The following TTC7B variants were observed in gnomAD, a reference collection of about 807,000 sequenced individuals.
TTC7B encodes the protein tetratricopeptide repeat protein 7B.
In TTC7B, 28 loss-of-function variants were observed where a neutral mutation model predicts 106.8. The observed-to-expected ratio is 0.26, with a 90% CI of 0.19 to 0.36. TTC7B has a LOEUF of 0.36. TTC7B is among the 10% of genes least tolerant of loss of function. The pLI is 1.00. For synonymous variants in TTC7B, 405 were observed against 430.6 expected (o/e 0.94, Z 0.74); for missense variants, 862 against 1,076.4 (o/e 0.80, Z 2.79).
At chr14:90,653,259 T>G (rs1196756210) in intron 12 of TTC7B, among the ~76,000 whole-genome samples, 1 of 152,086 alleles carries the variant, frequency 6.6e-6, no homozygotes, top group Non-Finnish European at 1.5e-5. Flanking sequence ...AACGACAAGC[T>G]CTATGAAGAT....
At chr14:90,815,218 GT>G (rs1252182332) in intron 1 of TTC7B, among the ~76,000 whole-genome samples, 2 of 152,208 alleles carry the variant, frequency 1.3e-5, no homozygotes, top group African/African-American at 2.4e-5. Context: ...CGGTGTGCTG[GT>G]GCCTGCGCTT....
At chr14:90,579,174 C>T (rs1379475689) in intron 18 of TTC7B, among the ~76,000 whole-genome samples, 5 of 152,226 alleles carry the variant, frequency 3.3e-5, no homozygotes, top group African/African-American at 1.2e-4. Flanking sequence ...GAGGCACCAC[C>T]ATCTTTCTAG....
chr14:90,536,391 C>T lies in TTC7B; in HGVS notation c.*4977G>A, dbSNP rs1889420385. The T allele has an allele frequency of 6.5e-6, 1 of 152,890 alleles. No individual in the cohort carries two copies. The highest frequency in any genetic ancestry group is 2.1e-4 in the South Asian group (1 of 4,846). The allele number at this position is 152,890 out of a possible 1,614,324, so 9.5% of individuals were successfully genotyped here. A position where few individuals can be genotyped will look rare whatever the true frequency, so the allele number is the denominator to read the frequency against. ...CCTGACACCTCCCACACTCTCGCCT[C>T]ATCTTGGGCTCTCGCCTGGGCTCCT... On this transcript the variant is annotated 3_prime_UTR_variant, in exon 20 of 20. Transcript: ENST00000328459.
At chr14:90,579,137 G>C (rs1243831542) in intron 18 of TTC7B, among the ~76,000 whole-genome samples, 3 of 152,190 alleles carry the variant, frequency 2.0e-5, no homozygotes, top group African/African-American at 7.2e-5. Flanking sequence ...GGCCCCGAGG[G>C]CCTCTTCTCC....
At chr14:90,634,581 G>T (rs749270007) in intron 15 of TTC7B, among the ~76,000 whole-genome samples, 2 of 152,064 alleles carry the variant, frequency 1.3e-5, no homozygotes, top group African/African-American at 2.4e-5. Flanking sequence ...AGACCAGCCC[G>T]GCCAACATGG....
intron 1 of TTC7B, among the ~76,000 whole-genome samples, chr14:90,796,892 G>A (rs2029908571): frequency 6.7e-6 from 1 of 149,980 alleles, no homozygotes; most frequent in South Asian, 2.1e-4. Flanking sequence ...CTGTCACCCA[G>A]GCTGGAGTGC....
intron 15 of TTC7B, among the ~76,000 whole-genome samples, chr14:90,622,072 T>C (rs1270689799): frequency 1.3e-5 from 2 of 151,878 alleles, no homozygotes; most frequent in Non-Finnish European, 2.9e-5. Flanking sequence ...GCAGAGGAGA[T>C]GCAGGTGAGA....
Position 90,699,307 on chromosome 14 carries a change from T to C in TTC7B, c.699-3729A>G, listed in dbSNP as rs568105851. 2.2e-4 allele frequency: 98 copies of C among 436,848 alleles called. 1 individual carries two copies. The highest frequency in any genetic ancestry group is 1.5e-3 in the South Asian group (90 of 61,190). The allele number at this position is 436,848 out of a possible 1,614,324, so 27.1% of individuals were successfully genotyped here. A position where few individuals can be genotyped will look rare whatever the true frequency, so the allele number is the denominator to read the frequency against. On this transcript the variant is annotated intron_variant, in intron 5 of 19. Coordinates refer to ENST00000328459, the MANE Select transcript of TTC7B (RefSeq NM_001010854.2). Reference sequence around the variant, plus strand: ...AATGGAAAACCAAGGCTAGAGAAATTTGGGGACATGAGAATCATTTCAGCT... The same window carrying C: ...AATGGAAAACCAAGGCTAGAGAAATCTGGGGACATGAGAATCATTTCAGCT...
intron 3 of TTC7B, among the ~76,000 whole-genome samples, chr14:90,746,993 G>A (rs930939439): frequency 2.1e-4 from 32 of 152,178 alleles, no homozygotes; most frequent in Non-Finnish European, 4.0e-4. Context: ...AAACTCTTAA[G>A]CCCTCAGAAT....
At position 90,800,339 on chromosome 14, in the gene TTC7B, G is replaced by A. The variant is rs181419817; in HGVS notation, c.122-14011C>T. Among the ~76,000 whole-genome samples, 283 of 152,270 alleles carry A rather than the reference G, an allele frequency of 1.9e-3. 5 individuals are homozygous for A. Among genetic ancestry groups the A allele is most frequent in the Non-Finnish European group, 6.2e-4 (42 of 68,004 alleles). On this transcript the variant is annotated intron_variant, in intron 1 of 19. Coordinates refer to ENST00000328459, the MANE Select transcript of TTC7B (RefSeq NM_001010854.2). ...TTGAAGGTGAAAGATTAAACTGGAG[G>A]TGTGGCAGACAGAATAATGGCCCCC... is the stretch of plus-strand genomic sequence containing the variant.
intron 5 of TTC7B, among the ~76,000 whole-genome samples, chr14:90,716,831 GAGAACCAGCTACC>G (rs1341912696): frequency 1.3e-5 from 2 of 152,066 alleles, no homozygotes; most frequent in African/African-American, 4.8e-5. Flanking sequence ...AGATTCAGAG[GAGAACCAGCTACC>G]ACAACCATCA....
chr14:90,637,389 T>C lies in TTC7B; in HGVS notation c.1751+6659A>G, dbSNP rs74816444. Among the ~76,000 whole-genome samples, 29 of 89,424 alleles carry C rather than the reference T, an allele frequency of 3.2e-4. No individual in the cohort carries two copies. In the East Asian group the frequency reaches 5.4e-3, roughly 17 times the overall value. The allele number at this position is 89,424 out of a possible 152,430, so 58.7% of individuals were successfully genotyped here. ...TTATTTTTAAAAAGCATCAGAAATCTTCCCACAGAGAAAAACCCCCCCCCA... is the reference window on the plus strand; with the variant it reads ...TTATTTTTAAAAAGCATCAGAAATCCTCCCACAGAGAAAAACCCCCCCCCA... On this transcript the variant is annotated intron_variant, in intron 15 of 19. Coordinates refer to ENST00000328459, the MANE Select transcript of TTC7B (RefSeq NM_001010854.2).
chr14:90,734,833 G>A (rs1889458652), intron 4 of TTC7B, among the ~76,000 whole-genome samples: 1 of 152,240 alleles, frequency 6.6e-6, no homozygotes, highest in East Asian at 1.9e-4. Flanking sequence ...GCCCAGGCTA[G>A]AGTACAGTGG....
At position 90,624,524 on chromosome 14, in the gene TTC7B, G is replaced by C. The variant is rs549634575; in HGVS notation, c.1752-6479C>G. ...CTCTAGTACCTCACACCCTAGTTTA[G>C]TTTTAGCCTTGGCCCCACCCCAGTG... On this transcript the variant is annotated intron_variant, in intron 15 of 19. Transcript: ENST00000328459. The surrounding 1 kb of genome is among the most constrained non-coding windows in gnomAD (Gnocchi z 4.0). Among the ~76,000 whole-genome samples the C allele has an allele frequency of 6.6e-6, 1 of 152,300 alleles. No individual in the cohort carries two copies. The highest frequency in any genetic ancestry group is 2.4e-5 in the African/African-American group (1 of 41,560).
At position 90,531,200 on chromosome 14, in the gene TTC7B, G is replaced by A. The variant is rs1310885580; in HGVS notation, c.*10168C>T. ...TGGCAATTTGTTGTAGCAGCAACAG[G>A]CAGCTGATACAGTGGGTGTAGGTTT... On this transcript the variant is annotated 3_prime_UTR_variant, in exon 20 of 20. Coordinates refer to ENST00000328459, the MANE Select transcript of TTC7B (RefSeq NM_001010854.2). The A allele has an allele frequency of 1.3e-5, 2 of 152,122 alleles. No homozygotes were observed. Among genetic ancestry groups the A allele is most frequent in the Non-Finnish European group, 2.9e-5 (2 of 68,040 alleles). The allele number at this position is 152,122 out of a possible 1,614,324, so 9.4% of individuals were successfully genotyped here.
chr14:90,616,759 G>A (rs987081224), intron 16 of TTC7B, among the ~76,000 whole-genome samples: 8 of 152,086 alleles, frequency 5.3e-5, no homozygotes, highest in African/African-American at 1.7e-4. Flanking sequence ...TGCTGCCTCC[G>A]TAGCCCTCCC....
At chr14:90,592,658 G>A (rs1162498973) in intron 18 of TTC7B, among the ~76,000 whole-genome samples, 14 of 151,300 alleles carry the variant, frequency 9.3e-5, no homozygotes, top group African/African-American at 2.7e-4. Context: ...GCAGTGAGCC[G>A]AGATTGCACC....
rs1451632198 is a variant in TTC7B, at chr14:90,529,950, A to G, written c.*11418T>C. 6.6e-6 allele frequency: 1 copy of G among 152,236 alleles called. No homozygotes were observed. Among genetic ancestry groups the G allele is most frequent in the Admixed American group, 6.5e-5 (1 of 15,284 alleles). The allele number at this position is 152,236 out of a possible 1,614,324, so 9.4% of individuals were successfully genotyped here. ...AAAAGATCCATACGGTGTTATAGATAGTATGATTTCACTTCATTAAATATC... is the reference window on the plus strand; with the variant it reads ...AAAAGATCCATACGGTGTTATAGATGGTATGATTTCACTTCATTAAATATC... On this transcript the variant is annotated 3_prime_UTR_variant, in exon 20 of 20. Transcript: ENST00000328459.
chr14:90,572,860 C>A (rs1891085486), intron 19 of TTC7B, among the ~76,000 whole-genome samples: 2 of 152,306 alleles, frequency 1.3e-5, no homozygotes, highest in South Asian at 4.1e-4. Context: ...ATGCTCCACT[C>A]CACTCCCAAC....
Sources: gnomAD v4.1 joint callset for allele counts (sites outside exome capture counted in the v4.1 genomes callset) on GRCh38, gnomAD v4.1.1 for gene constraint, Gnocchi (gnomAD v3.1) non-coding constraint, MANE v1.5 for transcripts, NCBI Gene and HGNC (gene_info 2026-07-23, HGNC 2026-07-21) for gene names.